The following ATP1A2 variants were observed in gnomAD, a reference collection of about 807,000 sequenced individuals.
ATP1A2 encodes the protein sodium/potassium-transporting ATPase subunit alpha-2.
In ATP1A2, 56 loss-of-function variants were observed where a neutral mutation model predicts 113.1. The ratio of observed to expected loss-of-function variants is 0.49; its 90% CI spans 0.40 to 0.62. ATP1A2 has a LOEUF of 0.62. ATP1A2 is among the 20% of genes least tolerant of loss of function. The probability of loss-of-function intolerance (pLI) is 0.00; values close to 1 mark genes in which losing one functional copy is unlikely to be tolerated. For missense variants in ATP1A2, 712 were observed against 1,357.8 expected, an observed-to-expected ratio of 0.52 and a Z score of 7.47; for synonymous variants, 490 against 526.8, an observed-to-expected ratio of 0.93 and a Z score of 0.96.
chr1:160,128,609 G>C, intron 8 of ATP1A2, 43 bp from the exon 9 acceptor site: 1 of 1,613,916 alleles, frequency 6.2e-7, no homozygotes, highest in South Asian at 1.1e-5. Flanking sequence ...GGCCATCTCC[G>C]GCTTCAGCCT....
intron 7 of ATP1A2, among the ~76,000 whole-genome samples, chr1:160,126,471 T>C (rs748947399): frequency 2.8e-4 from 42 of 152,188 alleles, no homozygotes; most frequent in Non-Finnish European, 2.4e-4. Flanking sequence ...CCTAAGTTTG[T>C]TTTTTGTTTT....
At chr1:160,126,374 G>C (rs956892474) in intron 7 of ATP1A2, among the ~76,000 whole-genome samples, 1 of 151,564 alleles carries the variant, frequency 6.6e-6, no homozygotes, top group African/African-American at 2.4e-5. Context: ...AAATATTTTC[G>C]ATCTGAGGTT....
At chr1:160,120,613 C>T (rs1321312021) in intron 1 of ATP1A2, among the ~76,000 whole-genome samples, 1 of 152,182 alleles carries the variant, frequency 6.6e-6, no homozygotes, top group Non-Finnish European at 1.5e-5. Flanking sequence ...CAGCAGGGTC[C>T]TTTCAACAAA....
intron 1 of ATP1A2, among the ~76,000 whole-genome samples, chr1:160,117,928 G>C (rs549574551): frequency 6.6e-6 from 1 of 152,206 alleles, no homozygotes; most frequent in South Asian, 2.1e-4. Context: ...CCAGAGAGGG[G>C]GACTTGTGGT....
Position 160,135,475 on chromosome 1 carries a change from C to T in ATP1A2, c.2157C>T (p.Ser719=), listed in dbSNP as rs2101995092. 2 of 1,614,202 alleles carry T rather than the reference C, an allele frequency of 1.2e-6. No individual in the cohort carries two copies. Among genetic ancestry groups the T allele is most frequent in the African/African-American group, 2.7e-5 (2 of 75,048 alleles). ...TGACGGGTGACGGGGTGAACGACTCCCCTGCATTGAAGAAGGCTGACATTG... is the reference window on the plus strand; with the variant it reads ...TGACGGGTGACGGGGTGAACGACTCTCCTGCATTGAAGAAGGCTGACATTG... ...VAVTGDGVND[S]PALKKADIGI... The change falls in exon 16 of 23, where the codon TCC becomes TCT. Residue 719 remains serine (S), a synonymous_variant. Transcript: ENST00000361216. The surrounding 1 kb of genome is among the most constrained non-coding windows in gnomAD (Gnocchi z 6.3).
chr1:160,122,944 G>A (rs1392272822), intron 3 of ATP1A2, among the ~76,000 whole-genome samples: 2 of 152,136 alleles, frequency 1.3e-5, no homozygotes, highest in African/African-American at 4.8e-5. Context: ...CAGGGGAGAT[G>A]TTATGGCCCT....
intron 1 of ATP1A2, among the ~76,000 whole-genome samples, chr1:160,118,494 C>T (rs978785414): frequency 2.6e-5 from 4 of 152,206 alleles, no homozygotes; most frequent in African/African-American, 7.2e-5. Context: ...TAAATGAATC[C>T]TCTTAGGTCA....
chr1:160,121,391 G>A (rs1347255533), intron 3 of ATP1A2, 140 bp downstream of exon 3: 7 of 998,314 alleles, frequency 7.0e-6, no homozygotes, highest in African/African-American at 4.8e-5. Context: ...ACTGGCCCAA[G>A]GACATGCAGC....
chr1:160,116,413 C>T (rs921196904), intron 1 of ATP1A2, among the ~76,000 whole-genome samples: 18 of 152,024 alleles, frequency 1.2e-4, no homozygotes, highest in Non-Finnish European at 1.8e-4. Flanking sequence ...GACAGCTGGG[C>T]GGGGTGTGGG....
At chr1:160,134,760 C>T in intron 14 of ATP1A2, 140 bp downstream of exon 14, 1 of 1,293,852 alleles carries the variant, frequency 7.7e-7, no homozygotes, top group African/African-American at 1.5e-5. Context: ...TGACTGGTTC[C>T]TCAGCCCTGA....
At chr1:160,121,323 C>A in intron 3 of ATP1A2, 72 bp downstream of exon 3, 1 of 1,550,124 alleles carries the variant, frequency 6.5e-7, no homozygotes, top group South Asian at 1.1e-5. Flanking sequence ...TGGCAGGAGC[C>A]TTAAAACTGT....
intron 19 of ATP1A2, 24 bp downstream of exon 19, chr1:160,136,739 G>C (rs1651964428): frequency 1.1e-5 from 17 of 1,614,076 alleles, no homozygotes; most frequent in Non-Finnish European, 1.4e-5. Flanking sequence ...TGTAAACACA[G>C]CGCACATGTG....
Position 160,124,299 on chromosome 1 carries a change from G to A in ATP1A2, c.499G>A (p.Ala167Thr). The A allele has an allele frequency of 6.2e-7, 1 of 1,602,052 alleles. No individual in the cohort carries two copies. Among genetic ancestry groups the A allele is most frequent in the Non-Finnish European group, 8.5e-7 (1 of 1,174,380 alleles). Residue 167 changes from alanine (A) to threonine (T), a missense_variant, in exon 6 of 23, where the codon GCC becomes ACC. Coordinates refer to ENST00000361216, the MANE Select transcript of ATP1A2 (RefSeq NM_000702.4). ...AGCTGCCTGTGGCTCCCCACAGCAA[G>A]CCCTTGTGATCCGGGAGGGAGAGAA... ...DSFKNMVPQQ[A>T]LVIREGEKMQ...
At chr1:160,125,845 A>G (rs1023744829) in intron 7 of ATP1A2, among the ~76,000 whole-genome samples, 3 of 152,222 alleles carry the variant, frequency 2.0e-5, no homozygotes, top group Non-Finnish European at 4.4e-5. Context: ...ACAAAGGTCA[A>G]TAAGAACTCC....
intron 1 of ATP1A2, among the ~76,000 whole-genome samples, chr1:160,117,836 G>T (rs961820326): frequency 2.3e-4 from 35 of 152,170 alleles, no homozygotes; most frequent in African/African-American, 8.2e-4. Flanking sequence ...GGGAGCGTTG[G>T]CGGATTCCCA....
chr1:160,136,681 T>C lies in ATP1A2; in HGVS notation c.2675T>C (p.Met892Thr), dbSNP rs794727222. ...CGCCTCGACTGGGATGACCGGACCA[T>C]GAATGATCTGGAGGACAGCTATGGA... ...GIRLDWDDRT[M>T]NDLEDSYGQE... Residue 892 changes from methionine (M) to threonine (T), a missense_variant, in exon 19 of 23, where the codon ATG becomes ACG. Physicochemically the swap from Met to Thr is moderately conservative, Grantham distance 81. This residue lies in a region of ATP1A2 where 188 missense variants were observed against 438.9 expected (regional missense o/e 0.43). Transcript: ENST00000361216. 26 of 1,614,054 alleles carry C rather than the reference T, an allele frequency of 1.6e-5. No individual in the cohort carries two copies. The highest frequency in any genetic ancestry group is 2.1e-5 in the Non-Finnish European group (25 of 1,180,028).
intron 21 of ATP1A2, 69 bp from the exon 22 acceptor site, chr1:160,139,824 A>G: frequency 6.2e-7 from 1 of 1,610,510 alleles, no homozygotes; most frequent in Non-Finnish European, 8.5e-7. Context: ...ATCGCTTTGA[A>G]TGCTCCTTTA....
rs142074203 is a variant in ATP1A2 at position 160,123,438 on chromosome 1, G to A, written c.381+22G>A. On this transcript the variant is annotated intron_variant, in intron 4 of 22. Transcript: ENST00000361216. ...CAATGTGAGCCCACACGCCCGACCC[G>A]GGAACAGCCCGTGACTGTCCTCCAA... 1.2e-3 allele frequency: 1,892 copies of A among 1,613,948 alleles called. 10 individuals carry two copies. Among genetic ancestry groups the A allele is most frequent in the Middle Eastern group, 4.0e-3 (24 of 6,062 alleles).
At chr1:160,116,532 T>G (rs1192985345) in intron 1 of ATP1A2, among the ~76,000 whole-genome samples, 1 of 35,900 alleles carries the variant, frequency 2.8e-5, no homozygotes. Flanking sequence ...CAGAGGCTGG[T>G]GACAGGTGAC....
Sources: allele counts gnomAD v4.1 joint callset (sites outside exome capture counted in the v4.1 genomes callset), GRCh38; gene constraint gnomAD v4.1.1; regional missense constraint gnomAD v4.1.1; non-coding constraint Gnocchi (gnomAD v3.1); transcripts MANE v1.5; gene names NCBI Gene and HGNC (gene_info 2026-07-23, HGNC 2026-07-21).